The following SOX5 variants were observed in gnomAD, a reference collection of about 807,000 sequenced individuals.
SOX5 encodes SRY-box transcription factor 5.
Under a neutral mutation model 92.0 loss-of-function variants are expected in SOX5, and 9 were observed. The observed-to-expected ratio is 0.10, with a 90% CI of 0.06 to 0.17. The LOEUF (loss-of-function observed/expected upper bound fraction) is 0.17, where lower values mean the gene tolerates loss of function less well. Ranked by LOEUF, SOX5 falls within the 10% of genes least tolerant of loss-of-function variation. The pLI is 1.00. For missense variants in SOX5, 642 were observed against 944.5 expected, an observed-to-expected ratio of 0.68 and a Z score of 4.20; for synonymous variants, 344 against 336.3, an observed-to-expected ratio of 1.02 and a Z score of -0.25.
At chr12:23,857,020 G>A (rs2136296183) in intron 2 of SOX5, among the ~76,000 whole-genome samples, 1 of 152,192 alleles carries the variant, frequency 6.6e-6, no homozygotes, top group East Asian at 1.9e-4. Flanking sequence ...CATGTATAGA[G>A]AGTCATTTAG....
chr12:24,079,747 G>T (rs2137579965), intron 4 of SOX5, among the ~76,000 whole-genome samples: 1 of 151,872 alleles, frequency 6.6e-6, no homozygotes, highest in South Asian at 2.1e-4. Flanking sequence ...TCAGTCCTTT[G>T]GTTATTGATG....
intron 1 of SOX5, among the ~76,000 whole-genome samples, chr12:23,919,109 G>A (rs546897830): frequency 2.0e-5 from 3 of 152,230 alleles, no homozygotes; most frequent in East Asian, 1.9e-4. Context: ...GCAAATGCCT[G>A]CATTGTGCAT....
At chr12:24,291,569 T>C (rs536868657) in intron 2 of SOX5, among the ~76,000 whole-genome samples, 1 of 152,340 alleles carries the variant, frequency 6.6e-6, no homozygotes, top group African/African-American at 2.4e-5. Context: ...ACATAAAATG[T>C]GCATATAGAA....
chr12:23,908,197 G>A (rs2097313548), intron 1 of SOX5, among the ~76,000 whole-genome samples: 1 of 152,004 alleles, frequency 6.6e-6, no homozygotes, highest in South Asian at 2.1e-4. Context: ...AATTTCTTTT[G>A]TTTTCAAAGG....
rs183338053 is a variant in SOX5 at position 23,693,978 on chromosome 12, T to G, written c.811-28414A>C. Among the ~76,000 whole-genome samples, 3 of 152,292 alleles carry G rather than the reference T, an allele frequency of 2.0e-5. No individual in the cohort carries two copies. The East Asian group carries it at 5.8e-4, about 29-fold the overall frequency. Reference sequence around the variant, plus strand: ...ATCCGTAAAGTTGTTATTTTGGCAGTAAGCTAGTTATTTTAGCCTTTACAA... The same window carrying G: ...ATCCGTAAAGTTGTTATTTTGGCAGGAAGCTAGTTATTTTAGCCTTTACAA... On this transcript the variant is annotated intron_variant, in intron 6 of 14. Coordinates refer to ENST00000451604, the MANE Select transcript of SOX5 (RefSeq NM_006940.6).
chr12:24,166,939 T>A (rs965925483), intron 4 of SOX5, among the ~76,000 whole-genome samples: 10 of 152,200 alleles, frequency 6.6e-5, no homozygotes, highest in African/African-American at 2.4e-4. Flanking sequence ...AATGCCCATT[T>A]ATATGATTTC....
intron 2 of SOX5, among the ~76,000 whole-genome samples, chr12:24,348,066 A>C (rs1014469193): frequency 2.7e-5 from 4 of 150,814 alleles, no homozygotes; most frequent in East Asian, 1.9e-4. Context: ...AAAAAAAAAA[A>C]AAAACAGAAA....
At chr12:23,821,876 C>A (rs964129545) in intron 3 of SOX5, among the ~76,000 whole-genome samples, 5 of 151,992 alleles carry the variant, frequency 3.3e-5, no homozygotes, top group African/African-American at 1.2e-4. Flanking sequence ...GGAATTTATC[C>A]ATTTCTTCTA....
At chr12:23,591,142 C>CATTT (rs531089660) in intron 9 of SOX5, among the ~76,000 whole-genome samples, 56 of 151,800 alleles carry the variant, frequency 3.7e-4, no homozygotes, top group African/African-American at 1.4e-3. Context: ...AAAAGTTCAC[C>CATTT]TTAACAATAG....
chr12:24,447,110 C>A (rs910591754), intron 1 of SOX5, among the ~76,000 whole-genome samples: 1 of 152,192 alleles, frequency 6.6e-6, no homozygotes, highest in Non-Finnish European at 1.5e-5. Context: ...ACTCCCCAGT[C>A]AAGAAGGTGG....
At position 24,126,372 on chromosome 12, in the gene SOX5, C is replaced by T. The variant is rs138483998; in HGVS notation, c.-2+86971G>A. On this transcript the variant is annotated intron_variant, in intron 4 of 4. Coordinates refer to the SOX5 transcript ENST00000446891. Reference sequence around the variant, plus strand: ...AAACAGGACCCATTCATGTGGGTGCCACTCTCGGCATTCCTTATTTCAGTA... The same window carrying T: ...AAACAGGACCCATTCATGTGGGTGCTACTCTCGGCATTCCTTATTTCAGTA... Among the ~76,000 whole-genome samples the T allele has an allele frequency of 1.5e-4, 23 of 152,310 alleles. No homozygotes were observed. The East Asian group carries it at 4.3e-3, about 28-fold the overall frequency.
chr12:24,380,887 G>T (rs1957756799), intron 1 of SOX5, among the ~76,000 whole-genome samples: 1 of 152,134 alleles, frequency 6.6e-6, no homozygotes, highest in Non-Finnish European at 1.5e-5. Flanking sequence ...ACTGTATTCT[G>T]CAACAGTCAG....
At chr12:24,233,648 G>A (rs1411335040) in intron 3 of SOX5, among the ~76,000 whole-genome samples, 2 of 152,184 alleles carry the variant, frequency 1.3e-5, no homozygotes, top group African/African-American at 4.8e-5. Context: ...GCAACACCTA[G>A]TTGGTAAGGT....
intron 4 of SOX5, among the ~76,000 whole-genome samples, chr12:23,742,278 A>G (rs1372619277): frequency 1.3e-5 from 2 of 152,212 alleles, no homozygotes; most frequent in African/African-American, 4.8e-5. Context: ...GGGTTCTAAC[A>G]TATTTTACAT....
At chr12:23,896,101 C>T (rs1302828862) in intron 1 of SOX5, 77 bp from the exon 2 acceptor site, 16 of 1,006,498 alleles carry the variant, frequency 1.6e-5, no homozygotes, top group Non-Finnish European at 2.5e-5. Flanking sequence ...GGTTAGGGGC[C>T]ATTGTAACAG....
At chr12:24,042,277 C>T (rs1187626492) in intron 4 of SOX5, among the ~76,000 whole-genome samples, 1 of 152,058 alleles carries the variant, frequency 6.6e-6, no homozygotes, top group Non-Finnish European at 1.5e-5. Context: ...TTAACTTTAG[C>T]ATAATATCAA....
chr12:23,790,726 T>C (rs965832578), intron 3 of SOX5, among the ~76,000 whole-genome samples: 2 of 152,170 alleles, frequency 1.3e-5, no homozygotes, highest in African/African-American at 4.8e-5. Flanking sequence ...CCTAAATACC[T>C]GTGATTGTCT....
At chr12:23,677,525 G>T (rs922799265) in intron 6 of SOX5, among the ~76,000 whole-genome samples, 3 of 152,100 alleles carry the variant, frequency 2.0e-5, no homozygotes, top group African/African-American at 4.8e-5. Flanking sequence ...GAAATATGAA[G>T]CTTTAGCTGC....
chr12:24,392,992 T>A (rs1394196698), intron 1 of SOX5, among the ~76,000 whole-genome samples: 2 of 152,072 alleles, frequency 1.3e-5, no homozygotes, highest in Admixed American at 6.6e-5. Context: ...AGACCAACAG[T>A]CCAGCCCAAA....
Sources: allele counts gnomAD v4.1 joint callset (sites outside exome capture counted in the v4.1 genomes callset), GRCh38; gene constraint gnomAD v4.1.1; transcripts MANE v1.5; gene names NCBI Gene and HGNC (gene_info 2026-07-23, HGNC 2026-07-21).